Variants in SHC4 observed in about 807,000 individuals in gnomAD.
SHC4 encodes the protein SHC-transforming protein 4.
Under a neutral mutation model 69.4 loss-of-function variants are expected in SHC4, and 41 were observed. The ratio of observed to expected loss-of-function variants is 0.59; its 90% confidence interval spans 0.46 to 0.77. The LOEUF (loss-of-function observed/expected upper bound fraction) is 0.77, where lower values mean the gene tolerates loss of function less well. Ranked by LOEUF, SHC4 falls within the 30% of genes least tolerant of loss-of-function variation. The probability of loss-of-function intolerance (pLI) is 0.00; values close to 1 mark genes in which losing one functional copy is unlikely to be tolerated. For missense variants in SHC4, 777 were observed against 783.8 expected (o/e 0.99, Z 0.10); for synonymous variants, 318 against 299.3 (o/e 1.06, Z -0.64).
intron 9 of SHC4, among the ~76,000 whole-genome samples, chr15:48,849,097 C>T (rs1899152555): frequency 6.6e-6 from 1 of 152,080 alleles, no homozygotes; most frequent in African/African-American, 2.4e-5. Context: ...TTTGAAGATC[C>T]TTAGGATGCT....
intron 2 of SHC4, among the ~76,000 whole-genome samples, chr15:48,918,106 A>G (rs946213520): frequency 5.3e-5 from 8 of 152,030 alleles, no homozygotes; most frequent in Non-Finnish European, 1.0e-4. Context: ...GTCAATGTCT[A>G]GAGATAGCTA....
intron 1 of SHC4, among the ~76,000 whole-genome samples, chr15:48,949,898 T>C (rs1193548573): frequency 6.9e-6 from 1 of 144,684 alleles, no homozygotes; most frequent in African/African-American, 2.5e-5. Flanking sequence ...ATACAAGTTA[T>C]AAATTATACA....
At chr15:48,916,202 A>G (rs1247386732) in intron 2 of SHC4, among the ~76,000 whole-genome samples, 1 of 152,118 alleles carries the variant, frequency 6.6e-6, no homozygotes, top group South Asian at 2.1e-4. Flanking sequence ...ACGTTTATTG[A>G]AAACCACATG....
At chr15:48,847,077 A>T (rs907531182) in intron 9 of SHC4, among the ~76,000 whole-genome samples, 1 of 150,386 alleles carries the variant, frequency 6.6e-6, no homozygotes, top group African/African-American at 2.4e-5. Context: ...GCCTTAAATT[A>T]AAAAAAAAGA....
At chr15:48,835,965 C>T (rs1272314186) in intron 10 of SHC4, among the ~76,000 whole-genome samples, 6 of 142,876 alleles carry the variant, frequency 4.2e-5, no homozygotes, top group Non-Finnish European at 9.0e-5. Context: ...ATTACCTGAG[C>T]TCAGGAGTTC....
chr15:48,954,692 G>A (rs952584962), intron 1 of SHC4, among the ~76,000 whole-genome samples: 5 of 152,190 alleles, frequency 3.3e-5, no homozygotes, highest in East Asian at 3.8e-4. Flanking sequence ...CCAGGGTGGC[G>A]CTGCTGGCCG....
intron 1 of SHC4, among the ~76,000 whole-genome samples, chr15:48,936,252 T>C (rs987633316): frequency 2.6e-5 from 4 of 152,216 alleles, no homozygotes; most frequent in African/African-American, 7.2e-5. Context: ...GTCATTCACA[T>C]TGGAGACTCA....
intron 10 of SHC4, among the ~76,000 whole-genome samples, chr15:48,836,695 A>G (rs1026440807): frequency 2.0e-5 from 3 of 152,178 alleles, no homozygotes; most frequent in African/African-American, 7.2e-5. Flanking sequence ...TATGACTACA[A>G]TTTACACACG....
Position 48,896,188 on chromosome 15 carries a change from TTTTC to T in SHC4, c.657-5381_657-5378del, listed in dbSNP as rs961947573. Among the ~76,000 whole-genome samples the T allele has an allele frequency of 7.0e-4, 106 of 151,760 alleles. 1 individual carries two copies. The highest frequency in any genetic ancestry group is 2.0e-3 in the African/African-American group (82 of 41,420). On this transcript the variant is annotated intron_variant, in intron 2 of 11. Transcript: ENST00000332408. ...ATTTGTACAAACTTTCCTTCTTTCTTTTTCTTTCTTTCTTTCTTCCTTTCTTTCT... is the reference window on the plus strand; with the variant it reads ...ATTTGTACAAACTTTCCTTCTTTCTTTTTCTTTCTTTCTTCCTTTCTTTCT...
At chr15:48,934,178 T>C (rs1159043175) in intron 1 of SHC4, among the ~76,000 whole-genome samples, 1 of 151,986 alleles carries the variant, frequency 6.6e-6, no homozygotes. Flanking sequence ...TATTTGCAAA[T>C]GACATATCTG....
At chr15:48,834,500 TTATTTC>T (rs1195456406) in intron 11 of SHC4, among the ~76,000 whole-genome samples, 1 of 152,164 alleles carries the variant, frequency 6.6e-6, no homozygotes, top group Non-Finnish European at 1.5e-5. Flanking sequence ...GCAAATTCCT[TTATTTC>T]TATATAGCAG....
In SHC4 at chr15:48,824,644, A is replaced by G. The variant is rs763826272; in HGVS notation, c.*1327T>C. The G allele has an allele frequency of 2.0e-5, 3 of 152,198 alleles. No homozygotes were observed. The highest frequency in any genetic ancestry group is 4.4e-5 in the Non-Finnish European group (3 of 68,036). 9.4% of individuals were successfully genotyped at this position (152,198 alleles called of 1,614,324 possible). On this transcript the variant is annotated 3_prime_UTR_variant, in exon 12 of 12. Transcript: ENST00000332408. ...GAAGAAAAGCTTAATTTTTTACCTT[A>G]ACTATACAGACTGGTTATCAATAAC...
chr15:48,867,761 CT>C (rs1899590590), intron 6 of SHC4, 56 bp downstream of exon 6: 1 of 1,423,112 alleles, frequency 7.0e-7, no homozygotes, highest in Middle Eastern at 1.8e-4. Flanking sequence ...CTGTTGGTTA[CT>C]TTTTAGAGTT....
intron 1 of SHC4, among the ~76,000 whole-genome samples, chr15:48,933,185 C>T (rs750164968): frequency 6.6e-6 from 1 of 152,068 alleles, no homozygotes; most frequent in Non-Finnish European, 1.5e-5. Flanking sequence ...TCCAGTCCCT[C>T]GTTACCATCT....
At chr15:48,889,613 G>A (rs965535979) in intron 3 of SHC4, among the ~76,000 whole-genome samples, 3 of 152,224 alleles carry the variant, frequency 2.0e-5, no homozygotes, top group South Asian at 2.1e-4. Context: ...GGTAGGCCGA[G>A]GCAGGCGGAT....
At chr15:48,933,260 T>C (rs1396522167) in intron 1 of SHC4, among the ~76,000 whole-genome samples, 3 of 152,188 alleles carry the variant, frequency 2.0e-5, no homozygotes, top group Non-Finnish European at 4.4e-5. Context: ...TAAGTTTTCC[T>C]GATTTTTAAT....
At position 48,857,727 on chromosome 15, in the gene SHC4, G is replaced by A. The variant is rs1259427952; in HGVS notation, c.1035C>T (p.Tyr345=). Residue 345 remains tyrosine, a synonymous_variant, in exon 7 of 12, where the codon TAC becomes TAT. Transcript: ENST00000332408. ...GQAFELRFKQ[Y]LKNPSLNTSC... ...AAGTATTCAAAGAAGGATTTTTCAA[G>A]TACTGTTTAAACCGGAGTTCAAAAG... is the stretch of plus-strand genomic sequence containing the variant. The A allele has an allele frequency of 1.3e-5, 21 of 1,603,846 alleles. No individual in the cohort carries two copies. Among genetic ancestry groups the A allele is most frequent in the Non-Finnish European group, 1.7e-5 (20 of 1,174,308 alleles).
chr15:48,906,768 T>C (rs1427703939), intron 2 of SHC4, among the ~76,000 whole-genome samples: 1 of 152,186 alleles, frequency 6.6e-6, no homozygotes, highest in Non-Finnish European at 1.5e-5. Flanking sequence ...CAATATCCTT[T>C]CAAGGAATTC....
rs751637361 is a variant in SHC4 at position 48,854,777 on chromosome 15, T to C, written c.1242+1176A>G. On this transcript the variant is annotated intron_variant, in intron 8 of 11. Coordinates refer to ENST00000332408, the MANE Select transcript of SHC4 (RefSeq NM_203349.4). The stretch of plus-strand genomic sequence containing the variant: ...GTAGGAGCTAAATATTGGGTACTCA[T>C]AGACGTAAAGATGGCAACAATTGAC... Among the ~76,000 whole-genome samples, 4 of 152,222 alleles carry C rather than the reference T, an allele frequency of 2.6e-5. No individual in the cohort carries two copies. The East Asian group carries it at 7.7e-4, about 29-fold the overall frequency.
Sources: allele counts gnomAD v4.1 joint callset (sites outside exome capture counted in the v4.1 genomes callset), GRCh38; gene constraint gnomAD v4.1.1; transcripts MANE v1.5; gene names NCBI Gene and HGNC (gene_info 2026-07-23, HGNC 2026-07-21).